MARCHF10: variants seen among roughly 807,000 people sequenced by gnomAD.
MARCHF10 encodes membrane associated ring-CH-type finger 10.
In MARCHF10, 64 loss-of-function variants were observed where a neutral mutation model predicts 76.2. The observed-to-expected ratio is 0.84, with a 90% CI of 0.69 to 1.03. The LOEUF is 1.03. MARCHF10 is among the 50% of genes least tolerant of loss of function. The pLI is 0.00. For missense variants in MARCHF10, 875 were observed against 958.0 expected, an observed-to-expected ratio of 0.91 and a Z score of 1.14; for synonymous variants, 340 against 357.5, an observed-to-expected ratio of 0.95 and a Z score of 0.55.
chr17:62,764,151 T>C (rs2092274884), intron 3 of MARCHF10, among the ~76,000 whole-genome samples: 1 of 152,066 alleles, frequency 6.6e-6, no homozygotes, highest in Non-Finnish European at 1.5e-5. Context: ...CCTAACAATA[T>C]GGTGTCTGAA....
chr17:62,736,457 T>A lies in MARCHF10; in HGVS notation c.1411A>T (p.Asn471Tyr). ...GAATGCATGAATGATGCAGGAGGGTTATAGGATGAATTCACTGATGATCTT... is the reference window on the plus strand; with the variant it reads ...GAATGCATGAATGATGCAGGAGGGTAATAGGATGAATTCACTGATGATCTT... The part of the protein sequence containing the change: ...SPRSSVNSSY[N>Y]PPASFMHSAL... Residue 471 changes from asparagine to tyrosine, a missense_variant, in exon 6 of 11, where the codon AAC (asparagine) becomes TAC (tyrosine). Physicochemically the swap from Asn to Tyr is moderately radical, Grantham distance 143 (BLOSUM62 -2). Coordinates refer to ENST00000311269, the MANE Select transcript of MARCHF10 (RefSeq NM_152598.4). The A allele has an allele frequency of 6.2e-7, 1 of 1,614,184 alleles. No homozygotes were observed. Among genetic ancestry groups the A allele is most frequent in the South Asian group, 1.1e-5 (1 of 91,080 alleles).
chr17:62,717,275 G>A (rs545632752), intron 8 of MARCHF10, among the ~76,000 whole-genome samples: 1 of 152,358 alleles, frequency 6.6e-6, no homozygotes, highest in East Asian at 1.9e-4. Flanking sequence ...CCAGACAGCA[G>A]CCGCCCATGC....
At chr17:62,807,821 C>T (rs1021678453) in intron 1 of MARCHF10, among the ~76,000 whole-genome samples, 1 of 152,158 alleles carries the variant, frequency 6.6e-6, no homozygotes. Context: ...GGGCCATGGT[C>T]TGTGTATACC....
intron 9 of MARCHF10, among the ~76,000 whole-genome samples, chr17:62,710,110 G>C (rs1236892740): frequency 6.6e-6 from 1 of 152,134 alleles, no homozygotes; most frequent in African/African-American, 2.4e-5. Context: ...CATCTGTTGG[G>C]TTGTACTGTT....
Position 62,744,535 on chromosome 17 carries a change from G to A in MARCHF10, c.383-7C>T, listed in dbSNP as rs768630031. On this transcript the variant is annotated splice_polypyrimidine_tract_variant and splice_region_variant and intron_variant, in intron 4 of 10. Transcript: ENST00000311269. Reference sequence around the variant, plus strand: ...ACCATTGGTGCTTGGTCTGCTGAAAGATGCAAAGTCTTTTCAATAATTATT... The same window carrying A: ...ACCATTGGTGCTTGGTCTGCTGAAAAATGCAAAGTCTTTTCAATAATTATT... 1 of 1,612,072 alleles carries A rather than the reference G, an allele frequency of 6.2e-7. No homozygotes were observed. The highest frequency in any genetic ancestry group is 1.1e-5 in the South Asian group (1 of 90,504).
intron 10 of MARCHF10, among the ~76,000 whole-genome samples, chr17:62,702,196 G>A (rs751577507): frequency 2.6e-5 from 4 of 152,166 alleles, no homozygotes; most frequent in African/African-American, 4.8e-5. Flanking sequence ...GTGATAGGAC[G>A]GGGAAAGGGA....
chr17:62,732,905 A>G (rs1198865914), intron 6 of MARCHF10, among the ~76,000 whole-genome samples: 1 of 151,198 alleles, frequency 6.6e-6, no homozygotes, highest in Non-Finnish European at 1.5e-5. Context: ...AGGCAGGAGA[A>G]TCAATTGAAC....
At chr17:62,769,535 T>A (rs767867483) in intron 3 of MARCHF10, among the ~76,000 whole-genome samples, 6 of 152,138 alleles carry the variant, frequency 3.9e-5, no homozygotes, top group Non-Finnish European at 7.3e-5. Flanking sequence ...TGCCTCAATC[T>A]TCTGAGTAGC....
intron 3 of MARCHF10, among the ~76,000 whole-genome samples, chr17:62,761,318 AAACT>A (rs2092194957): frequency 6.6e-6 from 1 of 152,248 alleles, no homozygotes; most frequent in South Asian, 2.1e-4. Context: ...AAGACACAAC[AAACT>A]GACTGTTCTC....
rs999392755 is a variant in MARCHF10, at chr17:62,788,614, CAAT to C, written c.91-18_91-16del. ...CTCAGACAAGCCTGAAGAACAACAA[CAAT>C]AAAATGTTTGTCTTAGGACCATGGC... On this transcript the variant is annotated splice_polypyrimidine_tract_variant and intron_variant, in intron 2 of 10. Coordinates refer to ENST00000311269, the MANE Select transcript of MARCHF10 (RefSeq NM_152598.4). 10 of 1,613,626 alleles carry C rather than the reference CAAT, an allele frequency of 6.2e-6. No homozygotes were observed. Among genetic ancestry groups the C allele is most frequent in the Non-Finnish European group, 7.6e-6 (9 of 1,179,948 alleles).
chr17:62,728,082 A>G (rs1490129584), intron 6 of MARCHF10, among the ~76,000 whole-genome samples: 2 of 152,238 alleles, frequency 1.3e-5, no homozygotes, highest in African/African-American at 4.8e-5. Flanking sequence ...TCTGTCGCCC[A>G]GTGGCAATCA....
chr17:62,705,354 C>G, intron 10 of MARCHF10, 185 bp downstream of exon 10: 1 of 1,514,832 alleles, frequency 6.6e-7, no homozygotes, highest in Non-Finnish European at 8.8e-7. Flanking sequence ...GCTCTGCATC[C>G]AGTGAACTTG....
chr17:62,792,831 G>GCCACCACCACCT (rs1365080117), intron 2 of MARCHF10, among the ~76,000 whole-genome samples: 1 of 36,976 alleles, frequency 2.7e-5, no homozygotes, highest in African/African-American at 1.2e-4. Flanking sequence ...CACCTCCACT[G>GCCACCACCACCT]CCACCACCAC....
chr17:62,738,060 T>TCTCACACACACACACACA lies in MARCHF10; in HGVS notation c.536-729_536-728insTGTGTGTGTGTGTGTGAG, dbSNP rs371710783. On this transcript the variant is annotated intron_variant, in intron 5 of 10. Transcript: ENST00000311269. This position sits in a 1 kb window ranked among gnomAD's most constrained non-coding sequence, Gnocchi z 4.0. ...AACTGTCTCTCTCTGTCTCTCTCTG[T>TCTCACACACACACACACA]CACACACACACACACACACACACAC... The TCTCACACACACACACACA allele has an allele frequency of 3.9e-5, 5 of 127,312 alleles. No individual in the cohort carries two copies. Among genetic ancestry groups the TCTCACACACACACACACA allele is most frequent in the Non-Finnish European group, 6.4e-5 (4 of 62,192 alleles). 7.9% of individuals were successfully genotyped at this position (127,312 alleles called of 1,614,324 possible). A position where few individuals can be genotyped will look rare whatever the true frequency, so the allele number is the denominator to read the frequency against.
At position 62,744,455 on chromosome 17, in the gene MARCHF10, C is replaced by A; in HGVS notation, c.456G>T (p.Ser152=). 6.2e-7 allele frequency: 1 copy of A among 1,614,164 alleles called. No homozygotes were observed. Among genetic ancestry groups the A allele is most frequent in the Non-Finnish European group, 8.5e-7 (1 of 1,180,018 alleles). ...NLRRFTVSPE[S]HSPRASGDRS... ...TGTCCCCAGATGCTCTCGGGCTGTG[C>A]GATTCTGGGCTGACTGTAAATCTCC... The change falls in exon 5 of 11, where the codon TCG becomes TCT. Residue 152 remains serine, a synonymous_variant. Transcript: ENST00000311269.
At chr17:62,734,027 T>C (rs904396781) in intron 6 of MARCHF10, among the ~76,000 whole-genome samples, 3 of 151,776 alleles carry the variant, frequency 2.0e-5, no homozygotes, top group Non-Finnish European at 4.4e-5. Context: ...TACTTAAAAA[T>C]ACAAAAATTA....
chr17:62,739,876 A>G (rs2091441480), intron 5 of MARCHF10, among the ~76,000 whole-genome samples: 1 of 152,186 alleles, frequency 6.6e-6, no homozygotes, highest in African/African-American at 2.4e-5. Context: ...CCATTAGCTC[A>G]TCTCATAGAG....
At chr17:62,744,201 A>C (rs560693150) in intron 5 of MARCHF10, among the ~76,000 whole-genome samples, 175 bp downstream of exon 5, 15 of 152,224 alleles carry the variant, frequency 9.9e-5, no homozygotes, top group African/African-American at 3.4e-4. Flanking sequence ...AGGAAAAAAA[A>C]CGCCAAAAGC....
chr17:62,747,983 T>C (rs1461358329), intron 4 of MARCHF10, among the ~76,000 whole-genome samples: 1 of 152,270 alleles, frequency 6.6e-6, no homozygotes, highest in Non-Finnish European at 1.5e-5. Flanking sequence ...ACTTCTTCCC[T>C]GTGATACCCT....
Sources: allele counts gnomAD v4.1 joint callset (sites outside exome capture counted in the v4.1 genomes callset), GRCh38; gene constraint gnomAD v4.1.1; non-coding constraint Gnocchi (gnomAD v3.1); transcripts MANE v1.5; gene names NCBI Gene and HGNC (gene_info 2026-07-23, HGNC 2026-07-21).